RFTN1: variants seen among roughly 807,000 people sequenced by gnomAD.
The protein encoded by RFTN1 is raftlin, lipid raft linker 1, also known as raftlin.
In RFTN1, 26 loss-of-function variants were observed where a neutral mutation model predicts 46.5. The ratio of observed to expected loss-of-function variants is 0.56; its 90% CI spans 0.41 to 0.78. The LOEUF (loss-of-function observed/expected upper bound fraction) is 0.78, where lower values mean the gene tolerates loss of function less well. Ranked by LOEUF, RFTN1 falls within the 30% of genes least tolerant of loss-of-function variation. The pLI is 0.00. For synonymous variants in RFTN1, 261 were observed against 284.2 expected (o/e 0.92, Z 0.82); for missense variants, 693 against 718.7 (o/e 0.96, Z 0.41).
intron 4 of RFTN1, among the ~76,000 whole-genome samples, chr3:16,405,179 T>C (rs1283434918): frequency 2.0e-5 from 3 of 152,116 alleles, no homozygotes; most frequent in Non-Finnish European, 2.9e-5. Context: ...CCCACGGACC[T>C]GCCAGCCACA....
intron 2 of RFTN1, among the ~76,000 whole-genome samples, chr3:16,444,731 C>T (rs1006642901): frequency 2.0e-5 from 3 of 152,198 alleles, no homozygotes; most frequent in Non-Finnish European, 4.4e-5. Flanking sequence ...GGCGAGCCCA[C>T]CAAATTTGTT....
In RFTN1 at chr3:16,480,994, C is replaced by CAG. The variant is rs2076356584; in HGVS notation, c.145+12730_145+12731insCT. ...ACACATATGCACATGCACACACACA[C>CAG]ACAGACACACACACACACACACACA... On this transcript the variant is annotated intron_variant, in intron 2 of 9. Transcript: ENST00000334133. This position sits in a 1 kb window ranked among gnomAD's most constrained non-coding sequence, Gnocchi z 4.3. Among the ~76,000 whole-genome samples the CAG allele has an allele frequency of 1.8e-5, 2 of 111,694 alleles. No homozygotes were observed. The highest frequency in any genetic ancestry group is 1.0e-4 in the Admixed American group (1 of 9,920). 73.3% of individuals were successfully genotyped at this position (111,694 alleles called of 152,430 possible).
At position 16,421,559 on chromosome 3, in the gene RFTN1, C is replaced by T. The variant is rs570454876; in HGVS notation, c.333-12076G>A. On this transcript the variant is annotated intron_variant, in intron 3 of 9. Transcript: ENST00000334133. The surrounding 1 kb of genome is among the most constrained non-coding windows in gnomAD (Gnocchi z 4.6). ...TAGAGACAGGGTTTCACCATGTTGG[C>T]CAGGATGGTCTCGATCCCTTGACTT... Among the ~76,000 whole-genome samples the T allele has an allele frequency of 3.3e-5, 5 of 152,100 alleles. No homozygotes were observed. The highest frequency in any genetic ancestry group is 5.9e-5 in the Non-Finnish European group (4 of 67,988).
chr3:16,453,860 T>G lies in RFTN1; in HGVS notation c.146-19823A>C, dbSNP rs73816490. ...TCCAATTTTAATTTTAAAAGTGTTA[T>G]TCAAAGACATTTATAAAGAGAGAGT... On this transcript the variant is annotated intron_variant, in intron 2 of 9. Transcript: ENST00000334133. Among the ~76,000 whole-genome samples, 539 of 152,340 alleles carry G rather than the reference T, an allele frequency of 3.5e-3. 4 individuals are homozygous for G. The highest frequency in any genetic ancestry group is 0.012 in the African/African-American group (500 of 41,580).
intron 1 of RFTN1, among the ~76,000 whole-genome samples, chr3:16,505,754 C>A (rs1288565173): frequency 6.6e-6 from 1 of 152,162 alleles, no homozygotes; most frequent in Non-Finnish European, 1.5e-5. Flanking sequence ...TAACTCACAG[C>A]AATACCCAGA....
intron 4 of RFTN1, among the ~76,000 whole-genome samples, chr3:16,391,880 T>G (rs1559317906): frequency 7.7e-5 from 2 of 25,914 alleles, no homozygotes; most frequent in African/African-American, 3.1e-4. Context: ...TTTTTTTTTT[T>G]TGTTTTTTTT....
At chr3:16,415,868 C>T (rs2075069337) in intron 3 of RFTN1, among the ~76,000 whole-genome samples, 1 of 152,022 alleles carries the variant, frequency 6.6e-6, no homozygotes, top group African/African-American at 2.4e-5. Context: ...TTTAATCCAC[C>T]CTATGCAAAT....
Position 16,345,264 on chromosome 3 carries a change from T to TGTG in RFTN1, c.1146+12667_1146+12668insCAC, listed in dbSNP as rs1553725944. On this transcript the variant is annotated intron_variant, in intron 7 of 9. Coordinates refer to ENST00000334133, the MANE Select transcript of RFTN1 (RefSeq NM_015150.2). This position sits in a 1 kb window ranked among gnomAD's most constrained non-coding sequence, Gnocchi z 5.2. ...AAACTGTAAGATAATAAGTAGGTGG[T>TGTG]TGTGTGTGTGTGTGTGTGTGTGTGT... is the stretch of plus-strand genomic sequence containing the variant. 2.1e-5 allele frequency: 3 copies of TGTG among 145,838 alleles called. No homozygotes were observed. Among genetic ancestry groups the TGTG allele is most frequent in the African/African-American group, 5.3e-5 (2 of 37,754 alleles). The allele number at this position is 145,838 out of a possible 1,614,324, so 9.0% of individuals were successfully genotyped here.
Position 16,336,941 on chromosome 3 carries a change from T to C in RFTN1, c.1147-10065A>G, listed in dbSNP as rs1454617045. Among the ~76,000 whole-genome samples the C allele has an allele frequency of 1.3e-5, 2 of 152,228 alleles. No individual in the cohort carries two copies. The highest frequency in any genetic ancestry group is 2.9e-5 in the Non-Finnish European group (2 of 68,040). ...TGACTTCCCTGTGTCCAGGCCACTTTCCAACACAGCTCGGCAGCTCCTCCC... is the reference window on the plus strand; with the variant it reads ...TGACTTCCCTGTGTCCAGGCCACTTCCCAACACAGCTCGGCAGCTCCTCCC... On this transcript the variant is annotated intron_variant, in intron 7 of 9. Coordinates refer to ENST00000334133, the MANE Select transcript of RFTN1 (RefSeq NM_015150.2). This position sits in a 1 kb window ranked among gnomAD's most constrained non-coding sequence, Gnocchi z 6.0.
intron 2 of RFTN1, among the ~76,000 whole-genome samples, chr3:16,478,700 C>T (rs768414365): frequency 3.3e-5 from 5 of 152,154 alleles, no homozygotes; most frequent in Non-Finnish European, 7.4e-5. Flanking sequence ...GGGGGAAGAT[C>T]CACTTCCAAG....
At chr3:16,375,709 G>A (rs569570519) in intron 5 of RFTN1, among the ~76,000 whole-genome samples, 92 of 152,298 alleles carry the variant, frequency 6.0e-4, no homozygotes, top group African/African-American at 2.1e-3. Context: ...GGGAGACTGG[G>A]CTCGAAGGAG....
In RFTN1 at chr3:16,500,582, C is replaced by T. The variant is rs756038099; in HGVS notation, c.-8-6705G>A. Among the ~76,000 whole-genome samples the T allele has an allele frequency of 3.9e-5, 6 of 152,014 alleles. No homozygotes were observed. The highest frequency in any genetic ancestry group is 8.8e-5 in the Non-Finnish European group (6 of 68,010). ...AAATAAAGTAATCAGAAGAAGGTTC[C>T]GAGACCCGAACTGCAAGAAGAAGAT... is the stretch of plus-strand genomic sequence containing the variant. On this transcript the variant is annotated intron_variant, in intron 1 of 9. Transcript: ENST00000334133. The surrounding 1 kb of genome is among the most constrained non-coding windows in gnomAD (Gnocchi z 5.9).
chr3:16,491,301 A>T (rs1644074131), intron 2 of RFTN1, among the ~76,000 whole-genome samples: 1 of 152,130 alleles, frequency 6.6e-6, no homozygotes, highest in Admixed American at 6.5e-5. Flanking sequence ...TTCACAAAAG[A>T]GCAAAGTCAA....
chr3:16,499,723 G>A lies in RFTN1; in HGVS notation c.-8-5846C>T, dbSNP rs1466946154. Among the ~76,000 whole-genome samples, 1 of 152,208 alleles carries A rather than the reference G, an allele frequency of 6.6e-6. No homozygotes were observed. The highest frequency in any genetic ancestry group is 6.5e-5 in the Admixed American group (1 of 15,278). ...ATGACCATGGCCTGCCGCCTCCTTGGCACCTGCTGAAGTTGGCCTGCTTTT... is the reference window on the plus strand; with the variant it reads ...ATGACCATGGCCTGCCGCCTCCTTGACACCTGCTGAAGTTGGCCTGCTTTT... On this transcript the variant is annotated intron_variant, in intron 1 of 9. Transcript: ENST00000334133. This position sits in a 1 kb window ranked among gnomAD's most constrained non-coding sequence, Gnocchi z 4.9.
At chr3:16,340,631 A>C (rs753138779) in intron 7 of RFTN1, among the ~76,000 whole-genome samples, 1 of 152,252 alleles carries the variant, frequency 6.6e-6, no homozygotes, top group Non-Finnish European at 1.5e-5. Context: ...CATTTAATGG[A>C]GATGAGTGTT....
In RFTN1 at chr3:16,351,319, A is replaced by G. The variant is rs1217115566; in HGVS notation, c.1146+6613T>C. On this transcript the variant is annotated intron_variant, in intron 7 of 9. Coordinates refer to ENST00000334133, the MANE Select transcript of RFTN1 (RefSeq NM_015150.2). The surrounding 1 kb of genome is among the most constrained non-coding windows in gnomAD (Gnocchi z 5.4). ...CCAGTCAGGAGCCTCCATACATATG[A>G]AGCCTTCAGGGAAGCCAAGGCTGGA... Among the ~76,000 whole-genome samples, 1 of 152,204 alleles carries G rather than the reference A, an allele frequency of 6.6e-6. No individual in the cohort carries two copies. The highest frequency in any genetic ancestry group is 1.5e-5 in the Non-Finnish European group (1 of 68,034).
chr3:16,331,433 C>G (rs1187282254), intron 7 of RFTN1, among the ~76,000 whole-genome samples: 4 of 152,102 alleles, frequency 2.6e-5, no homozygotes, highest in Non-Finnish European at 5.9e-5. Flanking sequence ...TTTGTGTTAT[C>G]ACAGTTTTGC....
chr3:16,422,552 A>G lies in RFTN1; in HGVS notation c.332+11299T>C, dbSNP rs1285750973. On this transcript the variant is annotated intron_variant, in intron 3 of 9. Transcript: ENST00000334133. This position sits in a 1 kb window ranked among gnomAD's most constrained non-coding sequence, Gnocchi z 4.6. ...AGGCTGAGGCAGGAGAATCACTTGA[A>G]CCCGGGAGGCGGAAGTTGCAGTGAG... is the stretch of plus-strand genomic sequence containing the variant. Among the ~76,000 whole-genome samples the G allele has an allele frequency of 6.6e-6, 1 of 151,776 alleles. No homozygotes were observed. The highest frequency in any genetic ancestry group is 1.5e-5 in the Non-Finnish European group (1 of 67,954).
rs945538045 is a variant in RFTN1, at chr3:16,468,347, A to G, written c.145+25378T>C. ...GCATTCTGTCTCGAGTTTCCGGTAGATAAGTAGGGCTCCCTTAGATGCTGT... is the reference window on the plus strand; with the variant it reads ...GCATTCTGTCTCGAGTTTCCGGTAGGTAAGTAGGGCTCCCTTAGATGCTGT... On this transcript the variant is annotated intron_variant, in intron 2 of 9. Transcript: ENST00000334133. This position sits in a 1 kb window ranked among gnomAD's most constrained non-coding sequence, Gnocchi z 4.4. Among the ~76,000 whole-genome samples the G allele has an allele frequency of 1.1e-4, 17 of 152,160 alleles. No homozygotes were observed. The highest frequency in any genetic ancestry group is 4.1e-4 in the African/African-American group (17 of 41,436).
Sources: gnomAD v4.1 joint callset for allele counts (sites outside exome capture counted in the v4.1 genomes callset) on GRCh38, gnomAD v4.1.1 for gene constraint, Gnocchi (gnomAD v3.1) non-coding constraint, MANE v1.5 for transcripts, NCBI Gene and HGNC (gene_info 2026-07-23, HGNC 2026-07-21) for gene names.